Variants in C10orf143 observed in about 807,000 individuals in gnomAD.
C10orf143 encodes uncharacterized protein C10orf143.
chr10:130,063,574 C>T (rs190698113), downstream of C10orf143, among the ~76,000 whole-genome samples: 13 of 152,268 alleles, frequency 8.5e-5, no homozygotes, highest in African/African-American at 2.4e-4. Flanking sequence ...CCATCTTTCC[C>T]GTATGGAACT....
chr10:130,090,214 T>C (rs1861358255), intron 1 of C10orf143, among the ~76,000 whole-genome samples: 1 of 152,096 alleles, frequency 6.6e-6, no homozygotes, highest in African/African-American at 2.4e-5. Context: ...CTGAAGTACC[T>C]AGCTCATCTC....
intron 1 of C10orf143, among the ~76,000 whole-genome samples, chr10:130,090,057 T>C (rs1033679646): frequency 6.6e-6 from 1 of 152,122 alleles, no homozygotes; most frequent in Non-Finnish European, 1.5e-5. Context: ...AGTTGAAAAT[T>C]TGGATTTCAT....
intron 1 of C10orf143, among the ~76,000 whole-genome samples, chr10:130,101,840 ACT>A (rs1342754966): frequency 3.7e-5 from 4 of 108,568 alleles, no homozygotes; most frequent in East Asian, 3.2e-4. Flanking sequence ...ACAGAGGGAG[ACT>A]CTGTCTCAAA....
chr10:130,091,420 A>G (rs1014495167), intron 1 of C10orf143, among the ~76,000 whole-genome samples: 11 of 152,250 alleles, frequency 7.2e-5, no homozygotes, highest in Non-Finnish European at 1.6e-4. Flanking sequence ...GGTCACCAAC[A>G]TCAAAGACCA....
chr10:130,110,614 G>A (rs1212546438), intron 1 of C10orf143, 90 bp downstream of exon 1: 2 of 398,166 alleles, frequency 5.0e-6, no homozygotes, highest in African/African-American at 2.1e-5. Context: ...CTCACAGGCA[G>A]GGCCGCGCCG....
intron 1 of C10orf143, among the ~76,000 whole-genome samples, chr10:130,087,835 C>T (rs1053137059): frequency 2.2e-4 from 33 of 152,170 alleles, no homozygotes; most frequent in Non-Finnish European, 3.4e-4. Context: ...CAGAGCCCAG[C>T]GCCAGCTCTG....
chr10:130,103,737 G>A (rs767006531), intron 1 of C10orf143, among the ~76,000 whole-genome samples: 1 of 151,988 alleles, frequency 6.6e-6, no homozygotes, highest in Non-Finnish European at 1.5e-5. Flanking sequence ...TTGAACCCAG[G>A]AGATTGAGGC....
chr10:130,109,202 C>T (rs1024259984), intron 1 of C10orf143, among the ~76,000 whole-genome samples: 5 of 152,212 alleles, frequency 3.3e-5, no homozygotes, highest in Non-Finnish European at 7.3e-5. Flanking sequence ...CCTGCCTGCA[C>T]CCTGATCACA....
At chr10:130,105,482 G>T (rs1163686397) in intron 1 of C10orf143, among the ~76,000 whole-genome samples, 1 of 152,138 alleles carries the variant, frequency 6.6e-6, no homozygotes, top group Non-Finnish European at 1.5e-5. Context: ...TGTAATCCCA[G>T]CACTTTGGGA....
chr10:130,107,698 G>A (rs573587877), intron 1 of C10orf143: 5 of 1,271,016 alleles, frequency 3.9e-6, no homozygotes, highest in East Asian at 2.4e-5. Flanking sequence ...TGCCTCCAGG[G>A]GGGGAAGGAA....
intron 1 of C10orf143, chr10:130,106,464 A>G (rs2134820246): frequency 6.2e-7 from 1 of 1,602,624 alleles, no homozygotes; most frequent in East Asian, 2.2e-5. Context: ...TCCAATTCTG[A>G]ACTTGAGCAT....
At chr10:130,102,232 G>A (rs1244817075) in intron 1 of C10orf143, among the ~76,000 whole-genome samples, 1 of 152,102 alleles carries the variant, frequency 6.6e-6, no homozygotes, top group African/African-American at 2.4e-5. Context: ...CTGTTTTTGA[G>A]TGAAGAGTTC....
At chr10:130,098,569 C>T (rs1331516455) in intron 1 of C10orf143, among the ~76,000 whole-genome samples, 5 of 152,196 alleles carry the variant, frequency 3.3e-5, no homozygotes, top group East Asian at 1.9e-4. Flanking sequence ...CACACCCTCA[C>T]GTGTCAGTCA....
chr10:130,069,341 T>C (rs1013387266), intron 3 of C10orf143, among the ~76,000 whole-genome samples: 1 of 152,110 alleles, frequency 6.6e-6, no homozygotes, highest in African/African-American at 2.4e-5. Context: ...CCAAACGACA[T>C]TGAAATTATA....
At chr10:130,040,596 C>T (rs1052247768) in intron 3 of C10orf143, among the ~76,000 whole-genome samples, 1 of 152,162 alleles carries the variant, frequency 6.6e-6, no homozygotes, top group African/African-American at 2.4e-5. Context: ...CTGGGGAGGC[C>T]GAGGTGGGTG....
At chr10:130,035,385 C>G (rs1860533926) in intron 4 of C10orf143, among the ~76,000 whole-genome samples, 1 of 152,216 alleles carries the variant, frequency 6.6e-6, no homozygotes, top group Non-Finnish European at 1.5e-5. Flanking sequence ...TTTAAAGACC[C>G]TATCTCCAAA....
intron 3 of C10orf143, among the ~76,000 whole-genome samples, chr10:130,052,674 G>A (rs1481196864): frequency 6.6e-6 from 1 of 152,122 alleles, no homozygotes; most frequent in Non-Finnish European, 1.5e-5. Flanking sequence ...TTTAATATCA[G>A]GAGCTATTTT....
At chr10:130,060,272 C>G (rs986041018), downstream of C10orf143, among the ~76,000 whole-genome samples, 4 of 152,168 alleles carry the variant, frequency 2.6e-5, no homozygotes, top group Non-Finnish European at 5.9e-5. Flanking sequence ...GTGCCCTCTG[C>G]ACCAGCAGCA....
chr10:130,102,279 TTTA>T (rs1861570135), intron 1 of C10orf143, among the ~76,000 whole-genome samples: 1 of 150,742 alleles, frequency 6.6e-6, no homozygotes, highest in Non-Finnish European at 1.5e-5. Context: ...TTGATATTCG[TTTA>T]TTATTTTTAT....
Sources: allele counts gnomAD v4.1 joint callset (sites outside exome capture counted in the v4.1 genomes callset), GRCh38; gene constraint gnomAD v4.1.1; transcripts MANE v1.5; gene names NCBI Gene and HGNC (gene_info 2026-07-23, HGNC 2026-07-21).